Variants in WNK1 observed in about 807,000 individuals in gnomAD.
WNK1 encodes the protein serine/threonine-protein kinase WNK1.
A neutral mutation model predicts 222.8 loss-of-function variants in WNK1; 38 were observed. The observed-to-expected ratio is 0.17, with a 90% CI of 0.13 to 0.22. The LOEUF is 0.22. Among genes scored for constraint, WNK1 ranks in the 10% least tolerant of loss-of-function variants. The probability of loss-of-function intolerance (pLI) is 1.00; values close to 1 mark genes in which losing one functional copy is unlikely to be tolerated. For synonymous variants in WNK1, 1,090 were observed against 1,092.9 expected, an observed-to-expected ratio of 1.00 and a Z score of 0.05; for missense variants, 2,348 against 2,918.4, an observed-to-expected ratio of 0.80 and a Z score of 4.50.
chr12:768,849 C>T (rs763892415), intron 1 of WNK1, among the ~76,000 whole-genome samples: 1 of 151,414 alleles, frequency 6.6e-6, no homozygotes, highest in Non-Finnish European at 1.5e-5. Context: ...CTTGCTCTGT[C>T]ACCAAACTGG....
chr12:789,708 C>T (rs1199887428), intron 1 of WNK1, among the ~76,000 whole-genome samples: 1 of 152,000 alleles, frequency 6.6e-6, no homozygotes, highest in Non-Finnish European at 1.5e-5. Context: ...TAAAGAACTT[C>T]TGAAAGCATA....
intron 23 of WNK1, among the ~76,000 whole-genome samples, chr12:895,308 T>A (rs187314711): frequency 6.6e-6 from 1 of 152,344 alleles, no homozygotes; most frequent in African/African-American, 2.4e-5. Context: ...TCCTCTTTTT[T>A]AGTTACCAGT....
chr12:871,238 T>C (rs1952118853), intron 8 of WNK1, 27 bp from the exon 9 acceptor site: 1 of 1,608,114 alleles, frequency 6.2e-7, no homozygotes, highest in Non-Finnish European at 8.5e-7. Flanking sequence ...CCTTCTCTAA[T>C]TTGTTGTGTT....
chr12:852,184 C>G (rs1950468032), intron 4 of WNK1, among the ~76,000 whole-genome samples: 1 of 152,114 alleles, frequency 6.6e-6, no homozygotes, highest in Non-Finnish European at 1.5e-5. Flanking sequence ...ATATAGAATT[C>G]AAATGAGAAG....
chr12:792,657 C>A (rs1032741774), intron 1 of WNK1, among the ~76,000 whole-genome samples: 2 of 152,080 alleles, frequency 1.3e-5, no homozygotes, highest in African/African-American at 4.8e-5. Flanking sequence ...ATGAGGAATA[C>A]ATTTATATTG....
intron 26 of WNK1, chr12:904,519 G>C: frequency 7.8e-7 from 1 of 1,288,410 alleles, no homozygotes; most frequent in Non-Finnish European, 1.0e-6. Context: ...TGTTATTTTT[G>C]GTCCTTGATT....
chr12:897,079 T>G (rs1007341633), intron 24 of WNK1, among the ~76,000 whole-genome samples: 3 of 152,188 alleles, frequency 2.0e-5, no homozygotes, highest in Admixed American at 6.6e-5. Context: ...ATTATTTTTA[T>G]TAATAGCATA....
chr12:782,878 C>T (rs756108846), intron 1 of WNK1, among the ~76,000 whole-genome samples: 3 of 151,706 alleles, frequency 2.0e-5, no homozygotes, highest in Non-Finnish European at 2.9e-5. Flanking sequence ...TTCATATAAC[C>T]CAATATATAT....
intron 4 of WNK1, among the ~76,000 whole-genome samples, chr12:842,466 G>A (rs1015017698): frequency 4.6e-5 from 7 of 152,076 alleles, no homozygotes; most frequent in Non-Finnish European, 8.8e-5. Flanking sequence ...TTCCATTATG[G>A]GGCTAGGTCT....
At chr12:790,565 C>G (rs1463883104) in intron 1 of WNK1, among the ~76,000 whole-genome samples, 1 of 152,136 alleles carries the variant, frequency 6.6e-6, no homozygotes, top group Non-Finnish European at 1.5e-5. Flanking sequence ...AGGAATCTGT[C>G]TTGACCTGTG....
intron 22 of WNK1, among the ~76,000 whole-genome samples, chr12:892,934 A>G (rs1481368878): frequency 1.3e-5 from 2 of 152,218 alleles, no homozygotes. Flanking sequence ...GTACAGATCT[A>G]TAAGAGAATA....
intron 4 of WNK1, among the ~76,000 whole-genome samples, chr12:844,384 C>T (rs1306555889): frequency 6.6e-6 from 1 of 152,146 alleles, no homozygotes; most frequent in Non-Finnish European, 1.5e-5. Context: ...AATCCACCAG[C>T]CCCGGCCTCC....
chr12:909,747 G>A lies in WNK1; in HGVS notation c.*955G>A, dbSNP rs1292904733. The A allele has an allele frequency of 6.6e-6, 1 of 152,202 alleles. No individual in the cohort carries two copies. The highest frequency in any genetic ancestry group is 1.5e-5 in the Non-Finnish European group (1 of 68,034). The allele number at this position is 152,202 out of a possible 1,614,324, so 9.4% of individuals were successfully genotyped here. ...ATTAGCATCAACTTACCAGACCCCA[G>A]ATCAATAAAGGGCATGTGGAAGGAA... On this transcript the variant is annotated 3_prime_UTR_variant, in exon 28 of 28. Coordinates refer to ENST00000315939, the MANE Select transcript of WNK1 (RefSeq NM_018979.4).
At chr12:848,040 C>T (rs1032809978) in intron 4 of WNK1, among the ~76,000 whole-genome samples, 16 of 151,882 alleles carry the variant, frequency 1.1e-4, no homozygotes, top group African/African-American at 2.9e-4. Context: ...TTGACCTCCT[C>T]GTGATCTGCC....
intron 4 of WNK1, among the ~76,000 whole-genome samples, chr12:840,705 C>T (rs1949562177): frequency 6.6e-6 from 1 of 152,158 alleles, no homozygotes. Context: ...ACATATGTCA[C>T]CAGAACTTTG....
intron 21 of WNK1, 83 bp downstream of exon 21, chr12:889,306 T>C: frequency 8.7e-7 from 1 of 1,148,598 alleles, no homozygotes; most frequent in Non-Finnish European, 1.3e-6. Context: ...CCTAAACCAT[T>C]ATTAATACCT....
intron 1 of WNK1, among the ~76,000 whole-genome samples, chr12:782,997 G>C (rs1223343650): frequency 1.3e-5 from 2 of 151,390 alleles, no homozygotes; most frequent in Non-Finnish European, 2.9e-5. Context: ...TCGAACTCCT[G>C]GGCTTAAGCG....
In WNK1 at chr12:880,767, T is replaced by C. The variant is rs1953080117; in HGVS notation, c.2879T>C (p.Ile960Thr). The C allele has an allele frequency of 6.2e-7, 1 of 1,614,040 alleles. No individual in the cohort carries two copies. ...CCACAGTACCCAGGAGATTCAAATA[T>C]TGCTCCCTCTTCCAACGTGGCTTCT... ...LPPQYPGDSN[I>T]APSSNVASVC... The change falls in exon 12 of 28, where the codon ATT becomes ACT. Residue 960 changes from isoleucine (I) to threonine (T), a missense_variant. Ile to Thr is a moderately conservative substitution (Grantham distance 89). Coordinates refer to ENST00000315939, the MANE Select transcript of WNK1 (RefSeq NM_018979.4).
Position 908,933 on chromosome 12 carries a change from T to C in WNK1, c.*141T>C. 2.1e-6 allele frequency: 2 copies of C among 948,892 alleles called. No individual in the cohort carries two copies. Among genetic ancestry groups the C allele is most frequent in the Non-Finnish European group, 3.2e-6 (2 of 623,158 alleles). The allele number at this position is 948,892 out of a possible 1,614,324, so 58.8% of individuals were successfully genotyped here. ...TCTTGCCAGAGGGGAATGTTTTTAA[T>C]ACTGCATTGAGCCCTCAGAATGGAG... On this transcript the variant is annotated 3_prime_UTR_variant, in exon 28 of 28. Coordinates refer to ENST00000315939, the MANE Select transcript of WNK1 (RefSeq NM_018979.4).
Sources: gnomAD v4.1 joint callset for allele counts (sites outside exome capture counted in the v4.1 genomes callset) on GRCh38, gnomAD v4.1.1 for gene constraint, MANE v1.5 for transcripts, NCBI Gene and HGNC (gene_info 2026-07-23, HGNC 2026-07-21) for gene names.